Variants in LIN9 observed in about 807,000 individuals in gnomAD.
LIN9 encodes lin-9 DREAM MuvB core complex component, also known as protein lin-9 homolog.
A neutral mutation model predicts 78.0 loss-of-function variants in LIN9; 18 were observed. The observed-to-expected ratio is 0.23, with a 90% CI of 0.16 to 0.34. The LOEUF (loss-of-function observed/expected upper bound fraction) is 0.34, where lower values mean the gene tolerates loss of function less well. LIN9 is among the 10% of genes least tolerant of loss of function. The pLI is 1.00. For synonymous variants in LIN9, 192 were observed against 215.2 expected (o/e 0.89, Z 0.94); for missense variants, 451 against 644.1 (o/e 0.70, Z 3.25).
intron 10 of LIN9, among the ~76,000 whole-genome samples, chr1:226,254,347 AACTTC>A (rs1400958366): frequency 6.6e-6 from 1 of 152,226 alleles, no homozygotes; most frequent in Admixed American, 6.5e-5. Context: ...TCAAAATATC[AACTTC>A]ACTTAAGAGC....
chr1:226,245,013 T>C (rs1486834541), intron 11 of LIN9, among the ~76,000 whole-genome samples: 1 of 152,228 alleles, frequency 6.6e-6, no homozygotes, highest in African/African-American at 2.4e-5. Context: ...GGAGTGCAAC[T>C]GCTAAATCAA....
chr1:226,269,992 C>T (rs897720737), intron 7 of LIN9, among the ~76,000 whole-genome samples: 2 of 152,072 alleles, frequency 1.3e-5, no homozygotes, highest in Non-Finnish European at 2.9e-5. Flanking sequence ...GGCACGATCT[C>T]GCTCACTGCA....
At chr1:226,257,524 G>T (rs1318419973) in intron 10 of LIN9, among the ~76,000 whole-genome samples, 1 of 152,110 alleles carries the variant, frequency 6.6e-6, no homozygotes, top group African/African-American at 2.4e-5. Context: ...AAGGAGGGAT[G>T]AATTAGGATT....
At chr1:226,287,264 A>T (rs1271646440) in intron 5 of LIN9, among the ~76,000 whole-genome samples, 1 of 152,190 alleles carries the variant, frequency 6.6e-6, no homozygotes, top group Non-Finnish European at 1.5e-5. Flanking sequence ...TCCAAACTAG[A>T]AAGACTACCC....
intron 12 of LIN9, among the ~76,000 whole-genome samples, chr1:226,237,952 CA>C (rs33927134): frequency 0.7 from 92,997 of 133,474 alleles, 30,958 homozygotes; most frequent in African/African-American, 0.72. Flanking sequence ...GACTCTGTCT[CA>C]AAAAAAAAAA....
rs76162377 is a variant in LIN9, at chr1:226,288,821, T to C, written c.265-1024A>G. On this transcript the variant is annotated intron_variant, in intron 4 of 14. Coordinates refer to ENST00000681046, the MANE Select transcript of LIN9 (RefSeq NM_001366245.2). ...TTAGGTAGTCTCAATGTTACCTATA[T>C]ATATCATTTCCCATAAATTATAATA... Among the ~76,000 whole-genome samples, 634 of 152,354 alleles carry C rather than the reference T, an allele frequency of 4.2e-3. 26 individuals are homozygous for C. In the South Asian group the frequency reaches 0.075, roughly 18 times the overall value.
At chr1:226,289,056 T>C (rs1290919073) in intron 4 of LIN9, among the ~76,000 whole-genome samples, 2 of 152,004 alleles carry the variant, frequency 1.3e-5, no homozygotes, top group Non-Finnish European at 2.9e-5. Context: ...GCCAATATAG[T>C]GAAACCCCAT....
chr1:226,303,570 A>G (rs899992985), intron 1 of LIN9, among the ~76,000 whole-genome samples: 3 of 152,044 alleles, frequency 2.0e-5, no homozygotes, highest in African/African-American at 7.2e-5. Flanking sequence ...ATTCTGACCA[A>G]TCACCTTTAA....
At chr1:226,280,195 T>C (rs1377762236) in intron 6 of LIN9, among the ~76,000 whole-genome samples, 1 of 152,252 alleles carries the variant, frequency 6.6e-6, no homozygotes, top group African/African-American at 2.4e-5. Context: ...TGCCATGTTA[T>C]GGCTTTCACT....
intron 10 of LIN9, among the ~76,000 whole-genome samples, chr1:226,258,953 G>T (rs1291650776): frequency 7.7e-6 from 1 of 129,768 alleles, no homozygotes; most frequent in Admixed American, 8.0e-5. Flanking sequence ...AGGGGTCAAT[G>T]TTCCAAGAAG....
Position 226,239,066 on chromosome 1 carries a change from A to G in LIN9, c.1150T>C (p.Phe384Leu), listed in dbSNP as rs758086959. ...KSYSMPISIE[F>L]QRRYATIVLE... ...ACAATTGTTGCATATCTCCGCTGAA[A>G]TTCAATGCTGATGGGCATGGAATAT... The change falls in exon 12 of 15, where the codon TTT becomes CTT. Residue 384 changes from phenylalanine to leucine, a missense_variant. Coordinates refer to ENST00000681046, the MANE Select transcript of LIN9 (RefSeq NM_001366245.2). 8 of 1,613,796 alleles carry G rather than the reference A, an allele frequency of 5.0e-6. No individual in the cohort carries two copies. The South Asian group carries it at 5.5e-5, about 11-fold the overall frequency.
At chr1:226,274,565 C>A (rs926051716) in intron 7 of LIN9, among the ~76,000 whole-genome samples, 2 of 152,082 alleles carry the variant, frequency 1.3e-5, no homozygotes, top group African/African-American at 4.8e-5. Flanking sequence ...TGCATCGGCA[C>A]ATAAAATAAT....
In LIN9 at chr1:226,237,580, C is replaced by T. The variant is rs1478602511; in HGVS notation, c.1245+1391G>A. Among the ~76,000 whole-genome samples, 7 of 143,830 alleles carry T rather than the reference C, an allele frequency of 4.9e-5. No individual in the cohort carries two copies. The East Asian group carries it at 1.2e-3, about 25-fold the overall frequency. 94.4% of individuals were successfully genotyped at this position (143,830 alleles called of 152,430 possible). A position where few individuals can be genotyped will look rare whatever the true frequency, so the allele number is the denominator to read the frequency against. On this transcript the variant is annotated intron_variant, in intron 12 of 14. Transcript: ENST00000681046. ...CTGGGAGGCAGAGGTTGCAGTGGGC[C>T]GAGATGATGCCACTGCACTCCAGCC...
chr1:226,284,879 T>G (rs1661300302), intron 6 of LIN9, among the ~76,000 whole-genome samples: 1 of 152,250 alleles, frequency 6.6e-6, no homozygotes, highest in Non-Finnish European at 1.5e-5. Flanking sequence ...TCTTTCCTGG[T>G]AGTTTATCTT....
chr1:226,298,631 T>C (rs2126577), intron 2 of LIN9, among the ~76,000 whole-genome samples: 107,119 of 152,072 alleles, frequency 0.7, 37,829 homozygotes, highest in East Asian at 0.75. Context: ...GAGGCCGAGG[T>C]GGGTGGATCA....
At chr1:226,257,580 T>C (rs1659282035) in intron 10 of LIN9, among the ~76,000 whole-genome samples, 1 of 152,164 alleles carries the variant, frequency 6.6e-6, no homozygotes, top group African/African-American at 2.4e-5. Flanking sequence ...AGCTGTACAG[T>C]GTTATTTGAA....
chr1:226,287,670 A>G lies in LIN9; in HGVS notation c.392T>C (p.Ile131Thr). 1 of 1,536,778 alleles carries G rather than the reference A, an allele frequency of 6.5e-7. No homozygotes were observed. ...WCIYEWFYSN[I>T]DKPLFEGDND... is the part of the protein sequence containing the mutation. ...TATAAGCCATGATACATACTTATCT[A>G]TATTTGAATAGAACCACTCGTATAT... Residue 131 changes from isoleucine (I) to threonine (T), a missense_variant, in exon 5 of 15, where the codon ATA (isoleucine) becomes ACA (threonine). Coordinates refer to ENST00000681046, the MANE Select transcript of LIN9 (RefSeq NM_001366245.2).
intron 11 of LIN9, among the ~76,000 whole-genome samples, chr1:226,243,416 C>A (rs1448799605): frequency 6.6e-6 from 1 of 152,062 alleles, no homozygotes; most frequent in Non-Finnish European, 1.5e-5. Context: ...TGCCCTTGGC[C>A]GGGCATGGTG....
chr1:226,268,426 T>A (rs913117186), intron 7 of LIN9, among the ~76,000 whole-genome samples: 7 of 151,354 alleles, frequency 4.6e-5, no homozygotes, highest in African/African-American at 1.7e-4. Flanking sequence ...TAGTTCAATT[T>A]AAAAAAAAAG....
Sources: gnomAD v4.1 joint callset for allele counts (sites outside exome capture counted in the v4.1 genomes callset) on GRCh38, gnomAD v4.1.1 for gene constraint, MANE v1.5 for transcripts, NCBI Gene and HGNC (gene_info 2026-07-23, HGNC 2026-07-21) for gene names.